The following GLRB variants were observed in gnomAD, a reference collection of about 807,000 sequenced individuals.
GLRB encodes glycine receptor subunit beta.
Under a neutral mutation model 54.2 loss-of-function variants are expected in GLRB, and 33 were observed. That is an observed-to-expected ratio of 0.61 (90% CI 0.46 to 0.81). The LOEUF (loss-of-function observed/expected upper bound fraction) is 0.81. Among genes scored for constraint, GLRB ranks in the 40% least tolerant of loss-of-function variants. The probability of loss-of-function intolerance (pLI) is 0.00; values close to 1 mark genes in which losing one functional copy is unlikely to be tolerated. For synonymous variants in GLRB, 209 were observed against 208.2 expected (o/e 1.00, Z -0.03); for missense variants, 572 against 584.6 (o/e 0.98, Z 0.22).
At chr4:157,082,964 T>TTATATATA (rs58330518) in intron 2 of GLRB, among the ~76,000 whole-genome samples, 1,492 of 139,614 alleles carry the variant, frequency 0.011, 10 homozygotes, top group East Asian at 0.03. Flanking sequence ...GAATAGTGTT[T>TTATATATA]TATATATATA....
intron 4 of GLRB, among the ~76,000 whole-genome samples, chr4:157,135,451 G>A (rs1014393187): frequency 2.0e-5 from 3 of 152,044 alleles, no homozygotes; most frequent in African/African-American, 7.2e-5. Context: ...ATTGAATCAA[G>A]AGGGGAGGTC....
At chr4:157,084,045 G>T (rs1352850784) in intron 2 of GLRB, among the ~76,000 whole-genome samples, 1 of 152,014 alleles carries the variant, frequency 6.6e-6, no homozygotes, top group South Asian at 2.1e-4. Flanking sequence ...TATGAAACTA[G>T]AACATCCTAA....
At chr4:157,152,308 G>A (rs923310711) in intron 8 of GLRB, among the ~76,000 whole-genome samples, 1 of 151,738 alleles carries the variant, frequency 6.6e-6, no homozygotes, top group Non-Finnish European at 1.5e-5. Flanking sequence ...GTTGCTCATG[G>A]GGACAAAACT....
intron 2 of GLRB, among the ~76,000 whole-genome samples, chr4:157,094,948 T>C (rs79667413): frequency 0.045 from 6,872 of 152,246 alleles, 181 homozygotes; most frequent in South Asian, 0.11. Flanking sequence ...ATAAAATATA[T>C]TTATTTTGTC....
At chr4:157,095,870 C>T (rs1734790284) in intron 2 of GLRB, among the ~76,000 whole-genome samples, 1 of 152,032 alleles carries the variant, frequency 6.6e-6, no homozygotes, top group Non-Finnish European at 1.5e-5. Flanking sequence ...CGAATATTTA[C>T]TGTGCCTCAG....
intron 2 of GLRB, among the ~76,000 whole-genome samples, chr4:157,081,368 T>C (rs1475313758): frequency 6.6e-6 from 1 of 152,138 alleles, no homozygotes. Flanking sequence ...CTCAGATCTC[T>C]CTAAAGAGTG....
In GLRB at chr4:157,171,586, A is replaced by G. The variant is rs891920686; in HGVS notation, c.*858A>G. ...TGCAGTAATAGATATGTGATTTTAC[A>G]TCATTTTTAAGAAACCAAGGGGAAG... On this transcript the variant is annotated 3_prime_UTR_variant, in exon 10 of 10. Transcript: ENST00000264428. 2 of 152,336 alleles carry G rather than the reference A, an allele frequency of 1.3e-5. No homozygotes were observed. Among genetic ancestry groups the G allele is most frequent in the African/African-American group, 2.4e-5 (1 of 41,444 alleles). 9.4% of individuals were successfully genotyped at this position (152,336 alleles called of 1,614,324 possible). A position where few individuals can be genotyped will look rare whatever the true frequency, so the allele number is the denominator to read the frequency against.
At chr4:157,141,273 G>A (rs1736599582) in intron 7 of GLRB, among the ~76,000 whole-genome samples, 1 of 151,688 alleles carries the variant, frequency 6.6e-6, no homozygotes, top group Non-Finnish European at 1.5e-5. Context: ...ATGTTTCAGG[G>A]ACTTGATCAG....
intron 8 of GLRB, among the ~76,000 whole-genome samples, chr4:157,144,661 ACTGTGTGT>A (rs1395415388): frequency 1.8e-4 from 28 of 152,158 alleles, no homozygotes; most frequent in African/African-American, 6.8e-4. Flanking sequence ...ATTTTTTATT[ACTGTGTGT>A]CTGTGTGTTT....
intron 9 of GLRB, among the ~76,000 whole-genome samples, chr4:157,156,028 A>C (rs1560973782): frequency 6.6e-6 from 1 of 152,156 alleles, no homozygotes; most frequent in African/African-American, 2.4e-5. Flanking sequence ...CCTTGTATAA[A>C]ATGTGAAACT....
chr4:157,152,301 G>A (rs1015203646), intron 8 of GLRB, among the ~76,000 whole-genome samples: 2 of 151,812 alleles, frequency 1.3e-5, no homozygotes, highest in African/African-American at 4.8e-5. Context: ...TGATTTAGTT[G>A]CTCATGGGGA....
At chr4:157,093,669 C>T (rs1474569116) in intron 2 of GLRB, among the ~76,000 whole-genome samples, 1 of 149,606 alleles carries the variant, frequency 6.7e-6, no homozygotes, top group Admixed American at 6.8e-5. Context: ...GCAGAAGAAT[C>T]GCTTGAACCC....
At chr4:157,165,713 A>G (rs1737680879) in intron 9 of GLRB, among the ~76,000 whole-genome samples, 1 of 151,910 alleles carries the variant, frequency 6.6e-6, no homozygotes, top group Non-Finnish European at 1.5e-5. Context: ...ATGTATTCCT[A>G]TTTTTATTCA....
chr4:157,159,752 T>G (rs1737393689), intron 9 of GLRB, among the ~76,000 whole-genome samples: 1 of 152,214 alleles, frequency 6.6e-6, no homozygotes, highest in Non-Finnish European at 1.5e-5. Context: ...TTATTGAGGA[T>G]TTTGGCATTG....
intron 9 of GLRB, among the ~76,000 whole-genome samples, chr4:157,155,030 AAGG>A (rs886607911): frequency 1.8e-4 from 27 of 152,220 alleles, no homozygotes; most frequent in African/African-American, 6.3e-4. Context: ...TAGAAAACTC[AAGG>A]AGAAGAAAAT....
At chr4:157,140,809 T>C (rs1263479493) in intron 7 of GLRB, among the ~76,000 whole-genome samples, 1 of 151,954 alleles carries the variant, frequency 6.6e-6, no homozygotes, top group Non-Finnish European at 1.5e-5. Flanking sequence ...TAAATTGTTT[T>C]GAGAAATTTG....
intron 4 of GLRB, among the ~76,000 whole-genome samples, chr4:157,135,849 T>C (rs913484107): frequency 6.6e-6 from 1 of 152,170 alleles, no homozygotes; most frequent in Admixed American, 6.6e-5. Flanking sequence ...GTATAATTCA[T>C]ATTTTATTAG....
chr4:157,135,524 G>T (rs1044719793), intron 4 of GLRB, among the ~76,000 whole-genome samples: 8 of 152,042 alleles, frequency 5.3e-5, no homozygotes, highest in Non-Finnish European at 1.5e-5. Context: ...TTATAAAGGA[G>T]AGTTCCCCTG....
At chr4:157,150,415 T>C (rs932831241) in intron 8 of GLRB, among the ~76,000 whole-genome samples, 1 of 152,118 alleles carries the variant, frequency 6.6e-6, no homozygotes, top group Non-Finnish European at 1.5e-5. Flanking sequence ...TGTGGAATTA[T>C]GAATACTCCC....
Sources: gnomAD v4.1 joint callset for allele counts (sites outside exome capture counted in the v4.1 genomes callset) on GRCh38, gnomAD v4.1.1 for gene constraint, MANE v1.5 for transcripts, NCBI Gene and HGNC (gene_info 2026-07-23, HGNC 2026-07-21) for gene names.